The following MTUS2 variants were observed in gnomAD, a reference collection of about 807,000 sequenced individuals.
MTUS2 encodes the protein microtubule-associated tumor suppressor candidate 2.
MTUS2 carries 40 observed loss-of-function variants against 114.1 expected under a neutral mutation model. The ratio of observed to expected loss-of-function variants is 0.35; its 90% CI spans 0.27 to 0.46. The LOEUF (loss-of-function observed/expected upper bound fraction) is 0.46. Among genes scored for constraint, MTUS2 ranks in the 20% least tolerant of loss-of-function variants. MTUS2 has a pLI of 1.00. For missense variants in MTUS2, 1,679 were observed against 1,705.4 expected, an observed-to-expected ratio of 0.98 and a Z score of 0.27; for synonymous variants, 688 against 672.0, an observed-to-expected ratio of 1.02 and a Z score of -0.37.
chr13:28,839,329 A>G (rs988390137), intron 1 of MTUS2, among the ~76,000 whole-genome samples: 4 of 152,232 alleles, frequency 2.6e-5, no homozygotes, highest in African/African-American at 7.2e-5. Context: ...TAAGCATGAC[A>G]GTATAAATTT....
chr13:29,411,313 A>G (rs1875221193), intron 8 of MTUS2, among the ~76,000 whole-genome samples: 1 of 152,214 alleles, frequency 6.6e-6, no homozygotes, highest in African/African-American at 2.4e-5. Flanking sequence ...ACCCAGCACT[A>G]CTTATTAAAA....
At chr13:29,218,729 A>G (rs1384108247) in intron 5 of MTUS2, among the ~76,000 whole-genome samples, 1 of 152,180 alleles carries the variant, frequency 6.6e-6, no homozygotes, top group Non-Finnish European at 1.5e-5. Context: ...AATGAGCAGT[A>G]ATATTTTGAG....
chr13:29,089,065 A>G (rs2138767377), intron 4 of MTUS2, among the ~76,000 whole-genome samples: 1 of 152,280 alleles, frequency 6.6e-6, no homozygotes, highest in South Asian at 2.1e-4. Flanking sequence ...CTATGTACTT[A>G]AGTATGTTTT....
At chr13:29,300,387 C>T (rs1209832476) in intron 6 of MTUS2, among the ~76,000 whole-genome samples, 1 of 152,142 alleles carries the variant, frequency 6.6e-6, no homozygotes, top group Non-Finnish European at 1.5e-5. Context: ...TGCTTGTCAG[C>T]CTTGAGGAGC....
intron 1 of MTUS2, among the ~76,000 whole-genome samples, chr13:28,831,841 C>T (rs2137952904): frequency 6.6e-6 from 1 of 152,228 alleles, no homozygotes; most frequent in Non-Finnish European, 1.5e-5. Flanking sequence ...ACTGCAACCT[C>T]CGCCTCCTGA....
intron 4 of MTUS2, among the ~76,000 whole-genome samples, chr13:29,035,097 C>T (rs746658919): frequency 6.6e-6 from 1 of 152,094 alleles, no homozygotes; most frequent in Admixed American, 6.6e-5. Context: ...TTCATATTTA[C>T]ACATTTTTGT....
intron 4 of MTUS2, among the ~76,000 whole-genome samples, chr13:29,091,919 G>C (rs1013827593): frequency 6.6e-6 from 1 of 152,210 alleles, no homozygotes; most frequent in African/African-American, 2.4e-5. Context: ...GAAGGCAGCA[G>C]AGCCTGTTAA....
intron 7 of MTUS2, among the ~76,000 whole-genome samples, chr13:29,327,097 G>A (rs1900551437): frequency 6.6e-6 from 1 of 152,114 alleles, no homozygotes; most frequent in Admixed American, 6.6e-5. Flanking sequence ...TCTAGCTTTA[G>A]ATCGTTTCCA....
chr13:29,318,201 T>C (rs1900091139), intron 6 of MTUS2, among the ~76,000 whole-genome samples: 1 of 152,100 alleles, frequency 6.6e-6, no homozygotes, highest in Non-Finnish European at 1.5e-5. Flanking sequence ...GAGATTTACT[T>C]GCAGGAATTT....
At chr13:29,112,752 A>G (rs1890930577) in intron 5 of MTUS2, among the ~76,000 whole-genome samples, 1 of 152,192 alleles carries the variant, frequency 6.6e-6, no homozygotes, top group Non-Finnish European at 1.5e-5. Flanking sequence ...AAGTGGAGGT[A>G]CAGCCATGAA....
In MTUS2 at chr13:29,487,899, G is replaced by A; in HGVS notation, c.3400-1G>A. Reference sequence around the variant, plus strand: ...AACCAGTAACTGCGACTCTCCTCCAGGTGGAAGATCTCACCGCCAGCCATG... The same window carrying A: ...AACCAGTAACTGCGACTCTCCTCCAAGTGGAAGATCTCACCGCCAGCCATG... On this transcript the variant is annotated splice_acceptor_variant, in intron 10 of 15. Transcript: ENST00000612955. LOFTEE classifies it high-confidence loss of function. 1 of 1,612,412 alleles carries A rather than the reference G, an allele frequency of 6.2e-7. No individual in the cohort carries two copies. The highest frequency in any genetic ancestry group is 1.1e-5 in the South Asian group (1 of 91,036).
intron 2 of MTUS2, among the ~76,000 whole-genome samples, chr13:28,850,593 A>G (rs988980102): frequency 6.6e-6 from 1 of 152,252 alleles, no homozygotes; most frequent in African/African-American, 2.4e-5. Flanking sequence ...CCCAGAGGGT[A>G]TGCTTAACAT....
At chr13:29,365,640 A>C in intron 8 of MTUS2, among the ~76,000 whole-genome samples, 1 of 152,208 alleles carries the variant, frequency 6.6e-6, no homozygotes, top group Admixed American at 6.5e-5. Flanking sequence ...CCTGGTGGGC[A>C]GTTGGTTAAA....
chr13:28,868,403 G>T (rs1254999387), intron 2 of MTUS2, among the ~76,000 whole-genome samples: 2 of 152,150 alleles, frequency 1.3e-5, no homozygotes. Context: ...TCAGCCTGCT[G>T]GGTTGGCGCC....
intron 2 of MTUS2, among the ~76,000 whole-genome samples, chr13:28,955,868 C>A (rs1388408382): frequency 4.6e-5 from 7 of 151,616 alleles, no homozygotes. Context: ...ATCATGGGAA[C>A]TTTAGACACC....
intron 7 of MTUS2, among the ~76,000 whole-genome samples, chr13:29,359,050 T>C (rs1259856535): frequency 1.3e-5 from 2 of 152,190 alleles, no homozygotes; most frequent in African/African-American, 2.4e-5. Context: ...TTATCCTTTT[T>C]CCAAGCACGA....
At chr13:28,987,426 G>A (rs1008055939) in intron 2 of MTUS2, among the ~76,000 whole-genome samples, 5 of 152,098 alleles carry the variant, frequency 3.3e-5, no homozygotes, top group Non-Finnish European at 7.4e-5. Context: ...TGGATATCAC[G>A]GCTTTGAGGA....
At chr13:28,995,124 G>A (rs1239344868) in intron 2 of MTUS2, among the ~76,000 whole-genome samples, 1 of 152,202 alleles carries the variant, frequency 6.6e-6, no homozygotes, top group Non-Finnish European at 1.5e-5. Context: ...CATATGGCTA[G>A]CCAGTCTTCC....
chr13:29,398,324 G>A (rs1874062367), intron 8 of MTUS2, among the ~76,000 whole-genome samples: 1 of 151,984 alleles, frequency 6.6e-6, no homozygotes, highest in Admixed American at 6.5e-5. Context: ...AGCCAGGCGT[G>A]GTGGCAGATG....
Sources: allele counts gnomAD v4.1 joint callset (sites outside exome capture counted in the v4.1 genomes callset), GRCh38; gene constraint gnomAD v4.1.1; transcripts MANE v1.5; gene names NCBI Gene and HGNC (gene_info 2026-07-23, HGNC 2026-07-21).